Variants in CDH2 observed in about 807,000 individuals in gnomAD.
CDH2 encodes cadherin 2, also known as cadherin-2.
CDH2 carries 17 observed loss-of-function variants against 92.0 expected under a neutral mutation model. That is an observed-to-expected ratio of 0.18 (90% CI 0.13 to 0.28). The LOEUF (loss-of-function observed/expected upper bound fraction) is 0.28, where lower values mean the gene tolerates loss of function less well. CDH2 is among the 10% of genes least tolerant of loss of function. The pLI is 1.00. For missense variants in CDH2, 862 were observed against 1,133.1 expected (o/e 0.76, Z 3.44); for synonymous variants, 419 against 415.9 (o/e 1.01, Z -0.09).
intron 15 of CDH2, among the ~76,000 whole-genome samples, chr18:27,959,057 A>G (rs1310289713): frequency 6.6e-6 from 1 of 152,192 alleles, no homozygotes; most frequent in Non-Finnish European, 1.5e-5. Context: ...GTATATATAT[A>G]AAGAAGTTTA....
rs184331468 is a variant in CDH2, at chr18:27,960,302, C to T, written c.2514+3055G>A. On this transcript the variant is annotated intron_variant, in intron 15 of 15. Coordinates refer to ENST00000269141, the MANE Select transcript of CDH2 (RefSeq NM_001792.5). ...CTAACCCATACTCTGTATGCCTGACCCTTCCTGGGTTGGTAAATACTTAAT... is the reference window on the plus strand; with the variant it reads ...CTAACCCATACTCTGTATGCCTGACTCTTCCTGGGTTGGTAAATACTTAAT... Among the ~76,000 whole-genome samples, 244 of 152,202 alleles carry T rather than the reference C, an allele frequency of 1.6e-3. 3 individuals carry two copies. Among genetic ancestry groups the T allele is most frequent in the Admixed American group, 2.4e-3 (36 of 15,286 alleles).
intron 1 of CDH2, among the ~76,000 whole-genome samples, chr18:28,149,700 C>CTAAATAACCAGTGTTT (rs2016091466): frequency 6.6e-6 from 1 of 151,954 alleles, no homozygotes; most frequent in Non-Finnish European, 1.5e-5. Flanking sequence ...TAGTGGTTAC[C>CTAAATAACCAGTGTTT]CCAGGGGAAG....
intron 2 of CDH2, among the ~76,000 whole-genome samples, chr18:28,077,242 T>TTG (rs2014738011): frequency 1.3e-5 from 2 of 152,200 alleles, no homozygotes; most frequent in Non-Finnish European, 2.9e-5. Flanking sequence ...AGTATTCTGC[T>TTG]TGTTTACAAT....
chr18:28,040,287 C>T (rs1433997898), intron 2 of CDH2, among the ~76,000 whole-genome samples: 9 of 152,084 alleles, frequency 5.9e-5, no homozygotes, highest in African/African-American at 1.7e-4. Context: ...TAACTTATAG[C>T]TATGAAGCAC....
chr18:27,969,158 C>A (rs191880532), intron 14 of CDH2, among the ~76,000 whole-genome samples: 92 of 152,216 alleles, frequency 6.0e-4, no homozygotes, highest in Non-Finnish European at 1.0e-3. Flanking sequence ...TTATCACAGC[C>A]CCCCCACCAA....
At chr18:28,114,288 T>C (rs192111204) in intron 2 of CDH2, among the ~76,000 whole-genome samples, 34 of 152,252 alleles carry the variant, frequency 2.2e-4, no homozygotes, top group African/African-American at 7.5e-4. Flanking sequence ...ATTATATGTA[T>C]AGAAATATCT....
chr18:27,998,898 C>G (rs1371043703), intron 7 of CDH2, among the ~76,000 whole-genome samples: 1 of 152,170 alleles, frequency 6.6e-6, no homozygotes, highest in Non-Finnish European at 1.5e-5. Flanking sequence ...TTGGAGAAGA[C>G]TGGTGTGGAA....
chr18:28,120,765 A>G (rs909621575), intron 2 of CDH2, among the ~76,000 whole-genome samples: 4 of 152,112 alleles, frequency 2.6e-5, no homozygotes, highest in Non-Finnish European at 5.9e-5. Context: ...AAAGAACAGT[A>G]TTGAAGAAAC....
intron 2 of CDH2, among the ~76,000 whole-genome samples, chr18:28,099,436 A>T (rs1231075179): frequency 6.6e-6 from 1 of 152,176 alleles, no homozygotes; most frequent in East Asian, 1.9e-4. Context: ...TTCATTTCCA[A>T]AACAATGATG....
intron 1 of CDH2, among the ~76,000 whole-genome samples, chr18:28,150,797 C>T (rs1555646785): frequency 6.6e-6 from 1 of 152,168 alleles, no homozygotes; most frequent in Non-Finnish European, 1.5e-5. Flanking sequence ...TTCCTTAAGA[C>T]AAAACGGATC....
chr18:28,121,425 G>C (rs1428496732), intron 2 of CDH2, among the ~76,000 whole-genome samples: 2 of 151,864 alleles, frequency 1.3e-5, no homozygotes. Flanking sequence ...AATTTTCTTT[G>C]TCTTTAGCTT....
At chr18:27,971,119 C>T (rs2143912678) in intron 14 of CDH2, among the ~76,000 whole-genome samples, 1 of 152,092 alleles carries the variant, frequency 6.6e-6, no homozygotes, top group African/African-American at 2.4e-5. Flanking sequence ...GCCTGTAATC[C>T]CAGCTACTCA....
chr18:28,116,560 T>C (rs1436159129), intron 2 of CDH2, among the ~76,000 whole-genome samples: 1 of 152,160 alleles, frequency 6.6e-6, no homozygotes, highest in East Asian at 1.9e-4. Flanking sequence ...AGATTTTCAG[T>C]GGAGAGTGAA....
intron 4 of CDH2, among the ~76,000 whole-genome samples, chr18:28,010,802 ACC>A (rs1171304633): frequency 1.3e-5 from 2 of 151,592 alleles, no homozygotes; most frequent in Admixed American, 1.3e-4. Flanking sequence ...CCCGAGTAGC[ACC>A]ACGCCCAGCT....
At chr18:28,014,483 T>C (rs949374192) in intron 2 of CDH2, among the ~76,000 whole-genome samples, 1 of 152,202 alleles carries the variant, frequency 6.6e-6, no homozygotes, top group Non-Finnish European at 1.5e-5. Context: ...CATTTATTAA[T>C]GTTGAATGTT....
At chr18:27,972,125 C>T (rs1361745858) in intron 14 of CDH2, among the ~76,000 whole-genome samples, 1 of 152,072 alleles carries the variant, frequency 6.6e-6, no homozygotes, top group Non-Finnish European at 1.5e-5. Context: ...GGCATCTTGC[C>T]TGGACTTTAG....
chr18:28,168,536 T>A (rs775053545), intron 1 of CDH2: 37 of 216,640 alleles, frequency 1.7e-4, no homozygotes, highest in Non-Finnish European at 2.6e-4. Flanking sequence ...GGCCTGAGAG[T>A]TTATAGGCTT....
intron 1 of CDH2, among the ~76,000 whole-genome samples, chr18:28,160,083 T>C (rs2016283506): frequency 6.6e-6 from 1 of 152,060 alleles, no homozygotes; most frequent in South Asian, 2.1e-4. Flanking sequence ...ATTTTGACCT[T>C]GATGCTTGAC....
At chr18:28,164,651 AACACACACACACAGAC>A (rs2016352732) in intron 1 of CDH2, among the ~76,000 whole-genome samples, 2 of 132,366 alleles carry the variant, frequency 1.5e-5, no homozygotes, top group Admixed American at 1.4e-4. Context: ...CTAGTCTCAA[AACACACACACACAGAC>A]ACACACACAC....
Sources: gnomAD v4.1 joint callset for allele counts (sites outside exome capture counted in the v4.1 genomes callset) on GRCh38, gnomAD v4.1.1 for gene constraint, MANE v1.5 for transcripts, NCBI Gene and HGNC (gene_info 2026-07-23, HGNC 2026-07-21) for gene names.